The following KALRN variants were observed in gnomAD, a reference collection of about 807,000 sequenced individuals.
KALRN encodes the protein kalirin RhoGEF kinase, also known as kalirin.
A neutral mutation model predicts 353.7 loss-of-function variants in KALRN; 70 were observed. The ratio of observed to expected loss-of-function variants is 0.20; its 90% CI spans 0.16 to 0.24. KALRN has a LOEUF of 0.24. KALRN is among the 10% of genes least tolerant of loss of function. KALRN has a pLI of 1.00. For synonymous variants in KALRN, 1,391 were observed against 1,434.8 expected (o/e 0.97, Z 0.69); for missense variants, 2,791 against 3,756.7 (o/e 0.74, Z 6.72).
At chr3:124,376,469 A>G (rs1338682735) in intron 10 of KALRN, among the ~76,000 whole-genome samples, 1 of 152,172 alleles carries the variant, frequency 6.6e-6, no homozygotes, top group Non-Finnish European at 1.5e-5. Flanking sequence ...ACCAAAGACC[A>G]CTTTGCCATT....
At chr3:124,284,381 T>C (rs2332769) in intron 5 of KALRN, among the ~76,000 whole-genome samples, 95,574 of 151,968 alleles carry the variant, frequency 0.63, 30,317 homozygotes, top group East Asian at 0.79. Flanking sequence ...GGCCTTTGCT[T>C]AAGCTATTTC....
At chr3:124,668,450 A>T (rs1389808442) in intron 47 of KALRN, among the ~76,000 whole-genome samples, 1 of 152,240 alleles carries the variant, frequency 6.6e-6, no homozygotes, top group Non-Finnish European at 1.5e-5. Context: ...GTGATGGGCC[A>T]GTCTTCCTGG....
intron 10 of KALRN, 106 bp downstream of exon 10, chr3:124,347,371 C>CTGTGTGTGTGTGTGTGTGTGTG (rs10663884): frequency 3.5e-6 from 2 of 563,826 alleles, no homozygotes; most frequent in Non-Finnish European, 4.9e-6. Flanking sequence ...AGGTGAGAAG[C>CTGTGTGTGTGTGTGTGTGTGTG]TGTGTGTGTG....
intron 25 of KALRN, among the ~76,000 whole-genome samples, chr3:124,464,511 A>G (rs2060142359): frequency 6.6e-6 from 1 of 152,174 alleles, no homozygotes; most frequent in Non-Finnish European, 1.5e-5. Flanking sequence ...AAAAAATCAA[A>G]TTAAACCATA....
chr3:124,475,964 A>G (rs571319956), intron 26 of KALRN, among the ~76,000 whole-genome samples: 43 of 152,114 alleles, frequency 2.8e-4, no homozygotes, highest in African/African-American at 8.9e-4. Flanking sequence ...AAGATTGACC[A>G]TTAAGTAAAG....
chr3:124,664,414 C>CTT (rs747877590), intron 45 of KALRN, among the ~76,000 whole-genome samples: 13 of 137,614 alleles, frequency 9.4e-5, no homozygotes, highest in African/African-American at 2.4e-4. Flanking sequence ...CAGAATCAAG[C>CTT]TTTTTTTTTT....
chr3:124,279,404 G>A (rs1209967065), intron 5 of KALRN, among the ~76,000 whole-genome samples: 2 of 152,244 alleles, frequency 1.3e-5, no homozygotes, highest in Admixed American at 6.5e-5. Context: ...AGATAGACTT[G>A]TGCTGGCCCA....
At chr3:124,584,775 G>T in intron 34 of KALRN, 2 of 1,566,378 alleles carry the variant, frequency 1.3e-6, no homozygotes, top group East Asian at 2.4e-5. Flanking sequence ...CTCTCACCCC[G>T]GGCTGGCGCC....
intron 33 of KALRN, chr3:124,518,382 C>T (rs746012246): frequency 4.4e-6 from 7 of 1,607,466 alleles, no homozygotes; most frequent in Admixed American, 1.7e-5. Context: ...TCACAGAGCC[C>T]GGCCCTTTTC....
intron 1 of KALRN, among the ~76,000 whole-genome samples, chr3:124,146,521 A>G (rs1014575353): frequency 6.6e-6 from 1 of 152,128 alleles, no homozygotes; most frequent in Admixed American, 6.6e-5. Context: ...AATTTGAGAC[A>G]TCCTGGCAGG....
Position 124,667,128 on chromosome 3 carries a change from G to C in KALRN, c.6648G>C (p.Gln2216His). ...AAGCCGCCAACGCTGACATCCAGCA[G>C]GCCTGGGTGCAGGACATCAATCAAG... ...VLQAANADIQQAWVQDINQVL... is the reference protein window; with the variant it reads ...VLQAANADIQHAWVQDINQVL... The change falls in exon 47 of 60, where the codon CAG becomes CAC. Residue 2216 changes from glutamine (Q) to histidine (H), a missense_variant. Coordinates refer to ENST00000682506, the MANE Select transcript of KALRN (RefSeq NM_001388419.1). 1 of 1,614,238 alleles carries C rather than the reference G, an allele frequency of 6.2e-7. No homozygotes were observed. The highest frequency in any genetic ancestry group is 8.5e-7 in the Non-Finnish European group (1 of 1,180,030).
intron 34 of KALRN, among the ~76,000 whole-genome samples, chr3:124,614,711 G>A (rs1365214979): frequency 6.6e-6 from 1 of 151,852 alleles, no homozygotes; most frequent in African/African-American, 2.4e-5. Context: ...CTGGGACTAT[G>A]GGTGTGCACC....
chr3:124,218,924 A>C (rs989696951), intron 1 of KALRN, among the ~76,000 whole-genome samples: 4 of 152,236 alleles, frequency 2.6e-5, no homozygotes, highest in Admixed American at 1.3e-4. Flanking sequence ...CATTCCTCAA[A>C]GGTAGCCCAT....
intron 1 of KALRN, among the ~76,000 whole-genome samples, chr3:124,156,165 G>T (rs2068960438): frequency 6.6e-6 from 1 of 152,206 alleles, no homozygotes; most frequent in African/African-American, 2.4e-5. Context: ...ACTTGGACCT[G>T]GTCTAGGCAC....
chr3:124,365,888 G>A (rs1264648373), intron 10 of KALRN, among the ~76,000 whole-genome samples: 1 of 152,220 alleles, frequency 6.6e-6, no homozygotes, highest in Admixed American at 6.5e-5. Context: ...CTCTAGGGGT[G>A]TGATCAGAGC....
chr3:124,086,385 G>A (rs2060826199), intron 1 of KALRN, among the ~76,000 whole-genome samples: 1 of 150,408 alleles, frequency 6.6e-6, no homozygotes, highest in Non-Finnish European at 1.5e-5. Flanking sequence ...TAGGTAAAAT[G>A]TGGCATGCTG....
At chr3:124,440,965 A>G (rs919192893) in intron 18 of KALRN, among the ~76,000 whole-genome samples, 4 of 151,516 alleles carry the variant, frequency 2.6e-5, no homozygotes, top group African/African-American at 9.7e-5. Flanking sequence ...CAGCAAGGAG[A>G]ATGTGATCAG....
intron 34 of KALRN, among the ~76,000 whole-genome samples, chr3:124,621,593 T>A (rs1290275117): frequency 2.0e-5 from 3 of 152,230 alleles, no homozygotes; most frequent in African/African-American, 7.2e-5. Context: ...GGGCAACAAG[T>A]TTCCTAGTGT....
At chr3:124,261,100 G>A (rs2072804388) in intron 3 of KALRN, among the ~76,000 whole-genome samples, 1 of 150,196 alleles carries the variant, frequency 6.7e-6, no homozygotes, top group African/African-American at 2.5e-5. Flanking sequence ...ACGCCGGCCA[G>A]GCTGGTCTCG....
Sources: gnomAD v4.1 joint callset for allele counts (sites outside exome capture counted in the v4.1 genomes callset) on GRCh38, gnomAD v4.1.1 for gene constraint, MANE v1.5 for transcripts, NCBI Gene and HGNC (gene_info 2026-07-23, HGNC 2026-07-21) for gene names.